The following SHISAL1 variants were observed in gnomAD, a reference collection of about 807,000 sequenced individuals.
SHISAL1 encodes protein shisa-like-1.
Under a neutral mutation model 22.6 loss-of-function variants are expected in SHISAL1, and 9 were observed. The ratio of observed to expected loss-of-function variants is 0.40; its 90% CI spans 0.24 to 0.70. The LOEUF is 0.70. Ranked by LOEUF, SHISAL1 falls within the 30% of genes least tolerant of loss-of-function variation. SHISAL1 has a pLI of 0.39. For missense variants in SHISAL1, 246 were observed against 270.6 expected (o/e 0.91, Z 0.64); for synonymous variants, 119 against 115.4 (o/e 1.03, Z -0.20).
chr22:44,275,574 C>T (rs975527273), intron 4 of SHISAL1, among the ~76,000 whole-genome samples: 2 of 151,748 alleles, frequency 1.3e-5, no homozygotes, highest in African/African-American at 4.9e-5. Context: ...ATGCAGCCGG[C>T]ATGGGGTGGC....
In SHISAL1 at chr22:44,249,454, G is replaced by A. The variant is rs554526027; in HGVS notation, c.*231C>T. On this transcript the variant is annotated 3_prime_UTR_variant, in exon 5 of 5. Coordinates refer to ENST00000381176, the MANE Select transcript of SHISAL1 (RefSeq NM_001099294.2). ...AGCCCAAAATAGGACTATTGCTTGC[G>A]GACAGGTGGCTCAGAATCCCCTCCC... The A allele has an allele frequency of 5.1e-4, 253 of 492,614 alleles. No individual in the cohort carries two copies. The highest frequency in any genetic ancestry group is 3.0e-3 in the African/African-American group (151 of 50,078). 30.5% of individuals were successfully genotyped at this position (492,614 alleles called of 1,614,324 possible). A position where few individuals can be genotyped will look rare whatever the true frequency, so the allele number is the denominator to read the frequency against.
intron 4 of SHISAL1, among the ~76,000 whole-genome samples, chr22:44,279,411 T>G (rs1288188172): frequency 6.6e-6 from 1 of 152,212 alleles, no homozygotes; most frequent in African/African-American, 2.4e-5. Flanking sequence ...ATCTCCCTTT[T>G]CAGTCTCCTC....
At chr22:44,264,165 C>A (rs2055145789) in intron 4 of SHISAL1, among the ~76,000 whole-genome samples, 2 of 152,212 alleles carry the variant, frequency 1.3e-5, no homozygotes, top group Non-Finnish European at 2.9e-5. Flanking sequence ...TGCTCTGCCC[C>A]AGCACCTGCC....
chr22:44,262,536 T>C (rs1247220731), intron 4 of SHISAL1, among the ~76,000 whole-genome samples: 4 of 152,224 alleles, frequency 2.6e-5, no homozygotes, highest in African/African-American at 9.6e-5. Context: ...TGGGGACCAC[T>C]AGTCCCTGCA....
At chr22:44,280,635 G>C (rs1414661055) in intron 4 of SHISAL1, among the ~76,000 whole-genome samples, 2 of 152,154 alleles carry the variant, frequency 1.3e-5, no homozygotes, top group Non-Finnish European at 2.9e-5. Context: ...GAGCAGGCTA[G>C]GAGGCAGCCG....
chr22:44,318,914 C>A, the SHISAL1 span, among the ~76,000 whole-genome samples: 1 of 152,228 alleles, frequency 6.6e-6, no homozygotes, highest in African/African-American at 2.4e-5. Context: ...TCTCTCACTT[C>A]CCAGCATGGG....
At chr22:44,255,314 C>T (rs527240216) in intron 4 of SHISAL1, among the ~76,000 whole-genome samples, 6 of 152,280 alleles carry the variant, frequency 3.9e-5, no homozygotes, top group African/African-American at 1.2e-4. Flanking sequence ...CTCGATGTCA[C>T]CAAATGGATA....
At chr22:44,330,655 T>G in the SHISAL1 span, among the ~76,000 whole-genome samples, 1 of 148,442 alleles carries the variant, frequency 6.7e-6, no homozygotes, top group East Asian at 2.0e-4. Flanking sequence ...CGCTGGCTTT[T>G]TCCCCCTGTT....
rs1468079887 is a variant in SHISAL1 at position 44,287,980 on chromosome 22, C to G, written c.282-2235G>C. On this transcript the variant is annotated intron_variant, in intron 3 of 4. Transcript: ENST00000381176. ...CAGGGCAGCTGTGTGCAGATGCTGTCCGCAGAAGGGGTCCAGGATGCCAGC... is the reference window on the plus strand; with the variant it reads ...CAGGGCAGCTGTGTGCAGATGCTGTGCGCAGAAGGGGTCCAGGATGCCAGC... 5.3e-5 allele frequency among the ~76,000 whole-genome samples: 8 copies of G among 152,162 alleles called. No individual in the cohort carries two copies. The East Asian group carries it at 1.3e-3, about 26-fold the overall frequency.
chr22:44,244,574 CTG>C lies in SHISAL1; in HGVS notation c.*5109_*5110del, dbSNP rs745357460. ...ACCAGCTGTTGGCTTGGACTAGAAA[CTG>C]GGGTGGTGGGGGGCAATGACACCTC... On this transcript the variant is annotated 3_prime_UTR_variant, in exon 5 of 5. Transcript: ENST00000381176. 6.6e-6 allele frequency: 1 copy of C among 152,228 alleles called. No homozygotes were observed. The highest frequency in any genetic ancestry group is 1.5e-5 in the Non-Finnish European group (1 of 68,068). 9.4% of individuals were successfully genotyped at this position (152,228 alleles called of 1,614,324 possible). A position where few individuals can be genotyped will look rare whatever the true frequency, so the allele number is the denominator to read the frequency against.
chr22:44,265,588 A>C (rs983023570), intron 4 of SHISAL1, among the ~76,000 whole-genome samples: 6 of 152,142 alleles, frequency 3.9e-5, no homozygotes, highest in African/African-American at 1.4e-4. Flanking sequence ...CCTGACTCAC[A>C]CCTTTCTGAC....
chr22:44,303,584 T>C (rs1319674228), intron 1 of SHISAL1, among the ~76,000 whole-genome samples: 1 of 152,146 alleles, frequency 6.6e-6, no homozygotes, highest in Admixed American at 6.5e-5. Flanking sequence ...CCAACCCTGC[T>C]GACACCCTGA....
rs572506568 is a variant in SHISAL1 at position 44,304,644 on chromosome 22, C to T, written c.-32-3667G>A. ...GGCCTCCTCCCAGCCTCCTTCTGGCCCTCCTGGGAGGATAAGCCGAGGTCA... is the reference window on the plus strand; with the variant it reads ...GGCCTCCTCCCAGCCTCCTTCTGGCTCTCCTGGGAGGATAAGCCGAGGTCA... On this transcript the variant is annotated intron_variant, in intron 1 of 4. Coordinates refer to ENST00000381176, the MANE Select transcript of SHISAL1 (RefSeq NM_001099294.2). Among the ~76,000 whole-genome samples the T allele has an allele frequency of 8.3e-4, 127 of 152,306 alleles. 3 individuals carry two copies. The South Asian group carries it at 0.024, about 29-fold the overall frequency.
intron 4 of SHISAL1, among the ~76,000 whole-genome samples, chr22:44,278,835 G>C (rs1342802544): frequency 6.6e-6 from 1 of 152,104 alleles, no homozygotes; most frequent in African/African-American, 2.4e-5. Flanking sequence ...GGCTTGAGGA[G>C]GGTTCCTAGA....
At chr22:44,274,229 G>A (rs1177646332) in intron 4 of SHISAL1, among the ~76,000 whole-genome samples, 15 of 152,116 alleles carry the variant, frequency 9.9e-5, no homozygotes. Context: ...CAGCCTGGGC[G>A]ACAGAATGAG....
intron 4 of SHISAL1, among the ~76,000 whole-genome samples, chr22:44,263,157 G>A (rs1484084161): frequency 1.5e-5 from 2 of 130,182 alleles, no homozygotes; most frequent in East Asian, 2.5e-4. Flanking sequence ...TGCAACCTCC[G>A]CCACCCGGGT....
chr22:44,272,600 C>T (rs186168450), intron 4 of SHISAL1, among the ~76,000 whole-genome samples: 2 of 152,338 alleles, frequency 1.3e-5, no homozygotes, highest in East Asian at 3.9e-4. Context: ...ATGCCCAAGA[C>T]GTTTCCTTGG....
Position 44,282,838 on chromosome 22 carries a change from C to T in SHISAL1, c.599+2590G>A, listed in dbSNP as rs374501151. On this transcript the variant is annotated intron_variant, in intron 4 of 4. Transcript: ENST00000381176. ...ATTCTCCAGTGTGCCCGAGGAGGGC[C>T]GCAGAGGGCGTTTGTAATGGCTGTT... 5.9e-5 allele frequency among the ~76,000 whole-genome samples: 9 copies of T among 152,296 alleles called. No homozygotes were observed. The South Asian group carries it at 6.2e-4, about 11-fold the overall frequency.
At chr22:44,259,942 G>A (rs1351414582) in intron 4 of SHISAL1, among the ~76,000 whole-genome samples, 1 of 152,156 alleles carries the variant, frequency 6.6e-6, no homozygotes, top group Non-Finnish European at 1.5e-5. Flanking sequence ...AGGTCGATTT[G>A]TTTAGAAATT....
Sources: gnomAD v4.1 joint callset for allele counts (sites outside exome capture counted in the v4.1 genomes callset) on GRCh38, gnomAD v4.1.1 for gene constraint, MANE v1.5 for transcripts, NCBI Gene and HGNC (gene_info 2026-07-23, HGNC 2026-07-21) for gene names.